Variants in PTCHD4 observed in about 807,000 individuals in gnomAD.
PTCHD4 encodes the protein patched domain-containing protein 4.
PTCHD4 carries 33 observed loss-of-function variants against 58.1 expected under a neutral mutation model. That is an observed-to-expected ratio of 0.57 (90% confidence interval 0.43 to 0.76). The LOEUF (loss-of-function observed/expected upper bound fraction) is 0.76, where lower values mean the gene tolerates loss of function less well. Among genes scored for constraint, PTCHD4 ranks in the 30% least tolerant of loss-of-function variants. PTCHD4 has a pLI of 0.00. For synonymous variants in PTCHD4, 478 were observed against 409.6 expected (o/e 1.17, Z -2.02); for missense variants, 1,058 against 1,027.1 (o/e 1.03, Z -0.41).
intron 3 of PTCHD4, among the ~76,000 whole-genome samples, chr6:48,025,565 A>G (rs1295775512): frequency 1.3e-5 from 2 of 152,212 alleles, no homozygotes; most frequent in African/African-American, 2.4e-5. Context: ...GAGAGATTAT[A>G]TAAAGAAAAC....
At chr6:48,046,954 G>T (rs1241253602) in intron 3 of PTCHD4, among the ~76,000 whole-genome samples, 2 of 151,736 alleles carry the variant, frequency 1.3e-5, no homozygotes, top group Non-Finnish European at 2.9e-5. Flanking sequence ...AAACAGTGTG[G>T]ATGCTCATAA....
At chr6:47,933,502 T>C (rs751487675) in intron 4 of PTCHD4, among the ~76,000 whole-genome samples, 4 of 152,218 alleles carry the variant, frequency 2.6e-5, no homozygotes, top group African/African-American at 4.8e-5. Context: ...TTATCCATCC[T>C]GACTATAAAT....
intron 1 of PTCHD4, among the ~76,000 whole-genome samples, chr6:48,109,002 T>A (rs548755748): frequency 4.1e-4 from 63 of 152,260 alleles, no homozygotes; most frequent in African/African-American, 1.5e-3. Context: ...AAATTTATGG[T>A]GATATATTTA....
At chr6:47,956,728 T>C (rs1046742483) in intron 4 of PTCHD4, among the ~76,000 whole-genome samples, 6 of 152,164 alleles carry the variant, frequency 3.9e-5, no homozygotes, top group African/African-American at 9.7e-5. Flanking sequence ...CCACTGCTCC[T>C]GGCCGAGAGT....
At chr6:47,901,154 C>G (rs1399776286) in intron 4 of PTCHD4, 1 of 145,882 alleles carries the variant, frequency 6.9e-6, no homozygotes, top group African/African-American at 2.5e-5. Flanking sequence ...GAGCAAGACT[C>G]CGTCTCAAAA....
At chr6:47,956,512 C>A (rs1766866786) in intron 4 of PTCHD4, among the ~76,000 whole-genome samples, 1 of 151,920 alleles carries the variant, frequency 6.6e-6, no homozygotes, top group Non-Finnish European at 1.5e-5. Flanking sequence ...CGGCTTACTG[C>A]AAGCTCCACC....
intron 4 of PTCHD4, among the ~76,000 whole-genome samples, chr6:47,964,932 C>T (rs556606738): frequency 1.3e-5 from 2 of 152,128 alleles, no homozygotes; most frequent in Non-Finnish European, 2.9e-5. Flanking sequence ...AAAAACAGCA[C>T]ACTCGAGTGG....
Position 47,878,473 on chromosome 6 carries a change from T to C in PTCHD4, c.2362A>G (p.Thr788Ala). 9 of 1,613,450 alleles carry C rather than the reference T, an allele frequency of 5.6e-6. No individual in the cohort carries two copies. Among genetic ancestry groups the C allele is most frequent in the Non-Finnish European group, 7.6e-6 (9 of 1,179,694 alleles). Residue 788 changes from threonine (T) to alanine (A), a missense_variant, in exon 5 of 5, where the codon ACT becomes GCT. Transcript: ENST00000339488. ...TFTLFKCLLL[T>A]GGCTLLHCFV... ...CAGTGCAGAAGTGTGCAACCCCCAG[T>C]GAGCAGCAAGCATTTGAACAGTGTG...
intron 3 of PTCHD4, among the ~76,000 whole-genome samples, chr6:48,013,872 G>A (rs1374604329): frequency 6.6e-6 from 1 of 151,912 alleles, no homozygotes; most frequent in Non-Finnish European, 1.5e-5. Context: ...CATCTCTTGG[G>A]GCTCATTTGG....
At chr6:47,899,131 T>C (rs1328985) in intron 4 of PTCHD4, among the ~76,000 whole-genome samples, 95,546 of 152,128 alleles carry the variant, frequency 0.63, 30,883 homozygotes, top group East Asian at 0.78. Context: ...ATAGCAAGTC[T>C]ATAAAATATC....
chr6:48,111,120 A>G lies in PTCHD4; in HGVS notation c.-1041T>C, dbSNP rs1211115004. ...TGGAGAGTGAGAGGGGATTTCTTTT[A>G]TTTCTTCTCTGCTACTTCTCTGCCA... is the stretch of plus-strand genomic sequence containing the variant. On this transcript the variant is annotated 5_prime_UTR_variant, in exon 1 of 5. Transcript: ENST00000339488. Among the ~76,000 whole-genome samples the G allele has an allele frequency of 6.6e-6, 1 of 151,694 alleles. No individual in the cohort carries two copies. Among genetic ancestry groups the G allele is most frequent in the East Asian group, 1.9e-4 (1 of 5,182 alleles).
chr6:48,093,437 GT>G (rs34475274), intron 1 of PTCHD4, among the ~76,000 whole-genome samples: 1 of 151,936 alleles, frequency 6.6e-6, no homozygotes, highest in Non-Finnish European at 1.5e-5. Flanking sequence ...AAAGTTAACT[GT>G]TTTTTCTTTT....
chr6:48,057,897 T>A (rs970337376), intron 3 of PTCHD4, among the ~76,000 whole-genome samples: 1 of 152,216 alleles, frequency 6.6e-6, no homozygotes. Flanking sequence ...GATCTTGTAA[T>A]GTAGACTAGG....
At chr6:47,926,762 G>T (rs1196216357) in intron 4 of PTCHD4, among the ~76,000 whole-genome samples, 1 of 152,152 alleles carries the variant, frequency 6.6e-6, no homozygotes, top group East Asian at 1.9e-4. Context: ...AATAGCCTCA[G>T]TTTTCTGATC....
intron 4 of PTCHD4, among the ~76,000 whole-genome samples, chr6:47,922,122 G>T (rs1177842945): frequency 6.6e-6 from 1 of 151,940 alleles, no homozygotes; most frequent in African/African-American, 2.4e-5. Flanking sequence ...TGGCCACAGA[G>T]TAAGACCCTG....
chr6:47,946,399 A>G (rs893763818), intron 4 of PTCHD4, among the ~76,000 whole-genome samples: 6 of 152,140 alleles, frequency 3.9e-5, no homozygotes, highest in Non-Finnish European at 7.4e-5. Flanking sequence ...GAATTGTTGC[A>G]TCTTTCTGAT....
intron 4 of PTCHD4, among the ~76,000 whole-genome samples, chr6:47,957,439 G>A (rs1043979222): frequency 7.3e-5 from 11 of 150,498 alleles, no homozygotes; most frequent in African/African-American, 1.9e-4. Flanking sequence ...TTTCTGTTAC[G>A]AATTTTCAGA....
chr6:47,904,714 TAATG>T (rs1764821411), intron 4 of PTCHD4, among the ~76,000 whole-genome samples: 5 of 152,208 alleles, frequency 3.3e-5, no homozygotes, highest in Admixed American at 3.3e-4. Flanking sequence ...TAATAACAGA[TAATG>T]AATATCATTC....
chr6:47,941,587 G>T (rs1229202371), intron 4 of PTCHD4, among the ~76,000 whole-genome samples: 1 of 152,138 alleles, frequency 6.6e-6, no homozygotes, highest in East Asian at 1.9e-4. Flanking sequence ...TAGCAAAATT[G>T]ATGCCATCTA....
Sources: gnomAD v4.1 joint callset for allele counts (sites outside exome capture counted in the v4.1 genomes callset) on GRCh38, gnomAD v4.1.1 for gene constraint, MANE v1.5 for transcripts, NCBI Gene and HGNC (gene_info 2026-07-23, HGNC 2026-07-21) for gene names.